The following CHERP variants were observed in gnomAD, a reference collection of about 807,000 sequenced individuals.
CHERP encodes calcium homeostasis endoplasmic reticulum protein, also known as ERPROT 213-21.
A neutral mutation model predicts 113.8 loss-of-function variants in CHERP; 8 were observed. The ratio of observed to expected loss-of-function variants is 0.07; its 90% confidence interval spans 0.04 to 0.13. The LOEUF (loss-of-function observed/expected upper bound fraction) is 0.13, where lower values mean the gene tolerates loss of function less well. CHERP is among the 10% of genes least tolerant of loss of function. CHERP has a pLI of 1.00. For synonymous variants in CHERP, 559 were observed against 524.5 expected (o/e 1.07, Z -0.90); for missense variants, 884 against 1,298.2 (o/e 0.68, Z 4.90).
Position 16,521,645 on chromosome 19 carries a change from G to T in CHERP, c.1990C>A (p.His664Asn). Residue 664 changes from histidine to asparagine, a missense_variant, in exon 12 of 17, where the codon CAC becomes AAC. Transcript: ENST00000546361. ...TTAGGGTCCAAAGGCTTGTACTCGTGATCTTCCAGCTGCAGCAGAGAACCC... is the reference window on the plus strand; with the variant it reads ...TTAGGGTCCAAAGGCTTGTACTCGTTATCTTCCAGCTGCAGCAGAGAACCC... ...LMAPLVKLED[H>N]EYKPLDPKDI... 6.3e-7 allele frequency: 1 copy of T among 1,586,146 alleles called. No homozygotes were observed. Among genetic ancestry groups the T allele is most frequent in the Non-Finnish European group, 8.6e-7 (1 of 1,163,846 alleles).
At chr19:16,528,879 G>A (rs1222651324) in intron 8 of CHERP, among the ~76,000 whole-genome samples, 1 of 152,216 alleles carries the variant, frequency 6.6e-6, no homozygotes, top group Non-Finnish European at 1.5e-5. Flanking sequence ...CGTGAACCCA[G>A]GAAGCGGAGC....
At chr19:16,521,107 G>A (rs1190437874) in intron 12 of CHERP, 195 bp from the exon 13 acceptor site, 3 of 620,734 alleles carry the variant, frequency 4.8e-6, no homozygotes, top group Non-Finnish European at 8.7e-6. Context: ...TGGCTCCTCT[G>A]GTGCCCACGC....
At chr19:16,521,007 G>T in intron 12 of CHERP, 95 bp from the exon 13 acceptor site, 1 of 1,065,354 alleles carries the variant, frequency 9.4e-7, no homozygotes, top group Non-Finnish European at 1.4e-6. Flanking sequence ...GAACCTTGGA[G>T]AGTACATGGC....
At chr19:16,541,659 G>A in intron 2 of CHERP, 1 of 511,420 alleles carries the variant, frequency 2.0e-6, no homozygotes, top group Non-Finnish European at 3.4e-6. Flanking sequence ...CAGGGGGGAG[G>A]ATCGAAAACC....
At chr19:16,527,995 C>T in intron 9 of CHERP, 85 bp downstream of exon 9, 1 of 1,351,850 alleles carries the variant, frequency 7.4e-7, no homozygotes, top group South Asian at 1.3e-5. Context: ...GTAAGCCACT[C>T]AACGCCCACC....
Position 16,528,171 on chromosome 19 carries a change from G to A in CHERP, c.1214C>T (p.Pro405Leu). The A allele has an allele frequency of 6.2e-7, 1 of 1,613,248 alleles. No individual in the cohort carries two copies. The change falls in exon 9 of 17, where the codon CCC becomes CTC. Residue 405 changes from proline to leucine, a missense_variant. Transcript: ENST00000546361. ...CTGGTCGTGTGGCCCGGGGCCCCGG[G>A]GGCCGGCAGCTGCAGGATCCTGGAC... ...GGVQDPAAAG[P>L]RGPGPHDQIP...
At position 16,529,769 on chromosome 19, in the gene CHERP, T is replaced by G. The variant is rs528619775; in HGVS notation, c.1008A>C (p.Gln336His). 2 of 1,605,668 alleles carry G rather than the reference T, an allele frequency of 1.2e-6. No individual in the cohort carries two copies. The highest frequency in any genetic ancestry group is 2.7e-5 in the African/African-American group (2 of 74,472). ...TSLAQQQQQQ[Q>H]QQQQQLQMPQ... ...GCATCTGGAGCTGCTGCTGCTGCTG[T>G]TGCTGCTGCTGCTGCTGCTGGGCCA... Residue 336 changes from glutamine to histidine, a missense_variant, in exon 8 of 17, where the codon CAA becomes CAC. Physicochemically the swap from Gln to His is conservative, Grantham distance 24 (BLOSUM62 0). Transcript: ENST00000546361.
At position 16,535,134 on chromosome 19, in the gene CHERP, C is replaced by T. The variant is rs541944386; in HGVS notation, c.384+318G>A. Reference sequence around the variant, plus strand: ...GTGACCTAGCTACTGTGTGGTGGGGCCAATGGTAGGCACCAGAGGCTGCCT... The same window carrying T: ...GTGACCTAGCTACTGTGTGGTGGGGTCAATGGTAGGCACCAGAGGCTGCCT... On this transcript the variant is annotated intron_variant, in intron 3 of 16. Transcript: ENST00000546361. This position sits in a 1 kb window ranked among gnomAD's most constrained non-coding sequence, Gnocchi z 4.3. Among the ~76,000 whole-genome samples, 44 of 152,272 alleles carry T rather than the reference C, an allele frequency of 2.9e-4. 1 individual carries two copies. The highest frequency in any genetic ancestry group is 4.9e-4 in the Non-Finnish European group (33 of 68,010).
rs2122275668 is a variant in CHERP, at chr19:16,533,296, C to G, written c.385-148G>C. 1.9e-5 allele frequency: 14 copies of G among 737,684 alleles called. No homozygotes were observed. The South Asian group carries it at 2.4e-4, about 12-fold the overall frequency. 45.7% of individuals were successfully genotyped at this position (737,684 alleles called of 1,614,324 possible). A position where few individuals can be genotyped will look rare whatever the true frequency, so the allele number is the denominator to read the frequency against. ...CTGGCCATCAGCTCCCTTGCTTGTCCCCAGCAGGAGGAGATTCTGTCTCTC... is the reference window on the plus strand; with the variant it reads ...CTGGCCATCAGCTCCCTTGCTTGTCGCCAGCAGGAGGAGATTCTGTCTCTC... On this transcript the variant is annotated intron_variant, in intron 3 of 16. Coordinates refer to ENST00000546361, the MANE Select transcript of CHERP (RefSeq NM_006387.6).
At chr19:16,534,091 T>C (rs2085726054) in intron 3 of CHERP, among the ~76,000 whole-genome samples, 1 of 151,066 alleles carries the variant, frequency 6.6e-6, no homozygotes, top group Admixed American at 6.6e-5. Flanking sequence ...TCTCGCTCTG[T>C]CGCCCAGGCT....
chr19:16,542,432 G>C lies in CHERP; in HGVS notation c.-54C>G. ...CGCCACACGATCGACCACCAGCGCC[G>C]TCTGCGGAAGCCGGCCGGAAGTGGC... On this transcript the variant is annotated 5_prime_UTR_variant, in exon 1 of 17. Transcript: ENST00000546361. The C allele has an allele frequency of 7.6e-7, 1 of 1,309,568 alleles. No individual in the cohort carries two copies. The highest frequency in any genetic ancestry group is 9.8e-7 in the Non-Finnish European group (1 of 1,021,904). 81.1% of individuals were successfully genotyped at this position (1,309,568 alleles called of 1,614,324 possible).
chr19:16,528,249 C>G lies in CHERP; in HGVS notation c.1136G>C (p.Ser379Thr). 6.3e-7 allele frequency: 1 copy of G among 1,576,666 alleles called. No individual in the cohort carries two copies. Among genetic ancestry groups the G allele is most frequent in the Non-Finnish European group, 8.6e-7 (1 of 1,163,854 alleles). The stretch of plus-strand genomic sequence containing the variant: ...GCCAGGCATCTGGATGGGAGGCTTG[C>G]TGTCATCTAAATCCAAGTGACAGGC... ...AIPPTTQPDD[S>T]KPPIQMPGSS... Residue 379 changes from serine (S) to threonine (T), a missense_variant, in exon 9 of 17, where the codon AGC becomes ACC. Ser to Thr is a moderately conservative substitution (Grantham distance 58). Around this residue, in one of 8 missense-constraint regions of CHERP, gnomAD observed 464 missense variants for 590.1 expected, o/e 0.79. Coordinates refer to ENST00000546361, the MANE Select transcript of CHERP (RefSeq NM_006387.6).
intron 3 of CHERP, 29 bp from the exon 4 acceptor site, chr19:16,533,177 A>G: frequency 6.4e-7 from 1 of 1,564,736 alleles, no homozygotes. Context: ...GGGGTCGAGA[A>G]CACATGAGGA....
chr19:16,533,047 C>T lies in CHERP; in HGVS notation c.486G>A (p.Gln162=). ...CCTTGGTGCACGTGTCGATGATGGG[C>T]TGCAGGAGGTTGTCAAACTCGTTCA... ...LDMNEFDNLL[Q]PIIDTCTKDA... The change falls in exon 4 of 17, where the codon CAG becomes CAA. Residue 162 remains glutamine, a synonymous_variant. Transcript: ENST00000546361. The T allele has an allele frequency of 6.4e-7, 1 of 1,571,446 alleles. No homozygotes were observed. The highest frequency in any genetic ancestry group is 1.2e-5 in the South Asian group (1 of 85,628).
Position 16,518,741 on chromosome 19 carries a change from A to C in CHERP, c.*418T>G. 1 of 211,518 alleles carries C rather than the reference A, an allele frequency of 4.7e-6. No homozygotes were observed. The highest frequency in any genetic ancestry group is 9.4e-6 in the Non-Finnish European group (1 of 106,516). 13.1% of individuals were successfully genotyped at this position (211,518 alleles called of 1,614,324 possible). On this transcript the variant is annotated 3_prime_UTR_variant, in exon 17 of 17. Coordinates refer to ENST00000546361, the MANE Select transcript of CHERP (RefSeq NM_006387.6). ...CCGGTGGGTGCGGGGAGCTGGAGGA[A>C]GGAGCTGGGGTGCCGGCTCTGGCTC...
At position 16,535,680 on chromosome 19, in the gene CHERP, G is replaced by C. The variant is rs1361070329; in HGVS notation, c.200-44C>G. On this transcript the variant is annotated intron_variant, in intron 2 of 16. Transcript: ENST00000546361. This position sits in a 1 kb window ranked among gnomAD's most constrained non-coding sequence, Gnocchi z 4.3. ...GGGTGCCCCATGAGAATGCAGATGG[G>C]GGTCTAGGTGTCCCCTTGGCCACCT... 1 of 1,450,712 alleles carries C rather than the reference G, an allele frequency of 6.9e-7. No homozygotes were observed. Among genetic ancestry groups the C allele is most frequent in the East Asian group, 2.5e-5 (1 of 40,188 alleles). 89.9% of individuals were successfully genotyped at this position (1,450,712 alleles called of 1,614,324 possible). A position where few individuals can be genotyped will look rare whatever the true frequency, so the allele number is the denominator to read the frequency against.
chr19:16,538,759 T>C (rs1170710849), intron 2 of CHERP, among the ~76,000 whole-genome samples: 1 of 151,770 alleles, frequency 6.6e-6, no homozygotes, highest in Non-Finnish European at 1.5e-5. Context: ...TTCCTCATAA[T>C]GGCACCAGCT....
intron 2 of CHERP, among the ~76,000 whole-genome samples, chr19:16,537,840 G>T (rs1217937026): frequency 6.6e-6 from 1 of 152,176 alleles, no homozygotes; most frequent in Non-Finnish European, 1.5e-5. Context: ...AGACGGTTAT[G>T]GAACCAGAAA....
At chr19:16,527,989 G>A (rs1038620669) in intron 9 of CHERP, 91 bp downstream of exon 9, 5 of 1,259,752 alleles carry the variant, frequency 4.0e-6, no homozygotes, top group Middle Eastern at 2.8e-4. Flanking sequence ...TCCCCAGTAA[G>A]CCACTCAACG....
Sources: gnomAD v4.1 joint callset for allele counts (sites outside exome capture counted in the v4.1 genomes callset) on GRCh38, gnomAD v4.1.1 for gene constraint, gnomAD v4.1.1 regional missense constraint, Gnocchi (gnomAD v3.1) non-coding constraint, MANE v1.5 for transcripts, NCBI Gene and HGNC (gene_info 2026-07-23, HGNC 2026-07-21) for gene names.